Variants in PBLD observed in about 807,000 individuals in gnomAD.
PBLD encodes phenazine biosynthesis-like domain-containing protein.
PBLD carries 26 observed loss-of-function variants against 31.3 expected under a neutral mutation model. The observed-to-expected ratio is 0.83, with a 90% confidence interval of 0.61 to 1.15. The LOEUF (loss-of-function observed/expected upper bound fraction) is 1.15. Among genes scored for constraint, PBLD ranks in the 50% most tolerant of loss-of-function variants. The pLI is 0.00. For missense variants in PBLD, 307 were observed against 351.7 expected (o/e 0.87, Z 1.02); for synonymous variants, 114 against 129.0 (o/e 0.88, Z 0.79).
chr10:68,326,940 G>C (rs1450855950), intron 1 of PBLD, among the ~76,000 whole-genome samples: 2 of 152,210 alleles, frequency 1.3e-5, no homozygotes, highest in African/African-American at 2.4e-5. Context: ...CCAGCTACTC[G>C]GGAGGCTGAG....
chr10:68,296,349 A>G lies in PBLD; in HGVS notation c.200T>C (p.Leu67Pro), dbSNP rs759574626. Residue 67 changes from leucine (L) to proline (P), a missense_variant, in exon 4 of 10, where the codon CTG becomes CCG. Transcript: ENST00000358769. Reference protein sequence around the residue: ...DNFAQSSCFGLRWFTPASEVP... With the variant: ...DNFAQSSCFGPRWFTPASEVP... ...CTCACTCGCTGGTGTAAACCATCTC[A>G]GTCCAAAGCAGGAACCTGAGGATAG... The G allele has an allele frequency of 3.1e-6, 5 of 1,612,916 alleles. No individual in the cohort carries two copies. In the South Asian group the frequency reaches 5.5e-5, roughly 18 times the overall value.
At chr10:68,310,906 C>G (rs1326984638) in intron 1 of PBLD, among the ~76,000 whole-genome samples, 1 of 152,138 alleles carries the variant, frequency 6.6e-6, no homozygotes, top group East Asian at 1.9e-4. Flanking sequence ...ATGCATTTAA[C>G]ACACCCAACC....
rs910553972 is a variant in PBLD, at chr10:68,288,500, G to C, written c.674C>G (p.Ala225Gly). ...SRYFAPWVGV[A>G]EDPVTGSAHA... Reference sequence around the variant, plus strand: ...AAAAGTACCTGTCACTGGGTCTTCAGCCACACCAACCCACGGTGCAAAATA... The same window carrying C: ...AAAAGTACCTGTCACTGGGTCTTCACCCACACCAACCCACGGTGCAAAATA... The change falls in exon 8 of 10, where the codon GCT becomes GGT. Residue 225 changes from alanine (A) to glycine (G), a missense_variant. Ala to Gly is a moderately conservative substitution (Grantham distance 60). Transcript: ENST00000358769. 10 of 1,613,946 alleles carry C rather than the reference G, an allele frequency of 6.2e-6. No homozygotes were observed. In the African/African-American group the frequency reaches 1.1e-4, roughly 17 times the overall value.
At chr10:68,297,037 C>G in intron 2 of PBLD, 52 bp from the exon 3 acceptor site, 1 of 1,366,744 alleles carries the variant, frequency 7.3e-7, no homozygotes, top group Non-Finnish European at 1.0e-6. Context: ...GATCAGACTT[C>G]CTTTGGACAA....
intron 1 of PBLD, among the ~76,000 whole-genome samples, chr10:68,314,476 T>C (rs918273893): frequency 6.6e-6 from 1 of 152,190 alleles, no homozygotes; most frequent in Non-Finnish European, 1.5e-5. Flanking sequence ...CATCCTGCAA[T>C]CACCTGATAG....
rs1194917559 is a variant in PBLD at position 68,283,861 on chromosome 10, C to T, written c.*316G>A. ...CCTGGGTTCAAGCGATTCTCCATGC[C>T]TCAGCCTCCCAAGTAGCTGGAATTA... is the stretch of plus-strand genomic sequence containing the variant. On this transcript the variant is annotated 3_prime_UTR_variant, in exon 10 of 10. Coordinates refer to ENST00000358769, the MANE Select transcript of PBLD (RefSeq NM_022129.4). 1.9e-5 allele frequency: 5 copies of T among 257,200 alleles called. No individual in the cohort carries two copies. The highest frequency in any genetic ancestry group is 3.8e-5 in the Non-Finnish European group (5 of 131,448). The allele number at this position is 257,200 out of a possible 1,614,324, so 15.9% of individuals were successfully genotyped here.
At chr10:68,332,551 CT>C (rs2045220787) in intron 1 of PBLD, among the ~76,000 whole-genome samples, 1 of 152,208 alleles carries the variant, frequency 6.6e-6, no homozygotes. Context: ...CTTCCCCGCT[CT>C]TTTTACTTTT....
intron 2 of PBLD, among the ~76,000 whole-genome samples, chr10:68,303,218 C>T (rs1048294601): frequency 1.7e-4 from 26 of 151,966 alleles, no homozygotes; most frequent in African/African-American, 5.8e-4. Context: ...GGATTACAGG[C>T]ATGCGTCACC....
chr10:68,284,379 C>T lies in PBLD; in HGVS notation c.755-90G>A. On this transcript the variant is annotated intron_variant, in intron 9 of 9. Coordinates refer to ENST00000358769, the MANE Select transcript of PBLD (RefSeq NM_022129.4). The stretch of plus-strand genomic sequence containing the variant: ...AAAGACTTATTACAAATCTTAGAGT[C>T]CTCCCAGATCAGTTTCAAGAATAAA... 4 of 1,077,752 alleles carry T rather than the reference C, an allele frequency of 3.7e-6. No individual in the cohort carries two copies. In the African/African-American group the frequency reaches 6.3e-5, roughly 17 times the overall value. The allele number at this position is 1,077,752 out of a possible 1,614,324, so 66.8% of individuals were successfully genotyped here. A position where few individuals can be genotyped will look rare whatever the true frequency, so the allele number is the denominator to read the frequency against.
intron 1 of PBLD, among the ~76,000 whole-genome samples, chr10:68,326,993 G>A (rs2044931557): frequency 6.6e-6 from 1 of 152,126 alleles, no homozygotes; most frequent in Non-Finnish European, 1.5e-5. Flanking sequence ...GTTGCAGTGA[G>A]CTGAGATCGC....
At chr10:68,317,776 C>T (rs1400902743) in intron 1 of PBLD, among the ~76,000 whole-genome samples, 2 of 151,900 alleles carry the variant, frequency 1.3e-5, no homozygotes, top group Non-Finnish European at 2.9e-5. Flanking sequence ...CCAGCCTGGG[C>T]AGTGACAGAA....
chr10:68,316,774 A>C lies in PBLD; in HGVS notation c.-59-9871T>G, dbSNP rs900146411. On this transcript the variant is annotated intron_variant, in intron 1 of 9. Coordinates refer to ENST00000358769, the MANE Select transcript of PBLD (RefSeq NM_022129.4). ...ATGCCTGTAATCCCAGCACTTTGGG[A>C]GGCTGAGGAGGGCAGATTGCCTGAG... is the stretch of plus-strand genomic sequence containing the variant. 1.1e-4 allele frequency among the ~76,000 whole-genome samples: 16 copies of C among 152,258 alleles called. No individual in the cohort carries two copies. The Middle Eastern group carries it at 0.01, about 97-fold the overall frequency.
At chr10:68,291,310 G>A (rs2044355748) in intron 6 of PBLD, among the ~76,000 whole-genome samples, 1 of 152,184 alleles carries the variant, frequency 6.6e-6, no homozygotes, top group Non-Finnish European at 1.5e-5. Context: ...ACTGCACACA[G>A]AGAGACTCTC....
chr10:68,324,629 T>G (rs1461243689), intron 1 of PBLD, among the ~76,000 whole-genome samples: 1 of 151,550 alleles, frequency 6.6e-6, no homozygotes, highest in Non-Finnish European at 1.5e-5. Flanking sequence ...TATTTATTTA[T>G]TTATTTAGAG....
chr10:68,327,285 T>C (rs1323396632), intron 1 of PBLD, among the ~76,000 whole-genome samples: 1 of 152,198 alleles, frequency 6.6e-6, no homozygotes, highest in Non-Finnish European at 1.5e-5. Context: ...TGACTTAAAG[T>C]GTCCCTGCCC....
In PBLD at chr10:68,283,637, G is replaced by T. The variant is rs1241656097; in HGVS notation, c.*540C>A. 1 of 152,404 alleles carries T rather than the reference G, an allele frequency of 6.6e-6. No homozygotes were observed. Among genetic ancestry groups the T allele is most frequent in the Non-Finnish European group, 1.5e-5 (1 of 68,280 alleles). The allele number at this position is 152,404 out of a possible 1,614,324, so 9.4% of individuals were successfully genotyped here. On this transcript the variant is annotated 3_prime_UTR_variant, in exon 10 of 10. Transcript: ENST00000358769. ...TGAAGTGACATTATTCTTTGTAGCT[G>T]GTTACTTACATTTCAAATACACTCA...
chr10:68,306,225 T>C (rs1286880643), intron 2 of PBLD, among the ~76,000 whole-genome samples: 1 of 152,174 alleles, frequency 6.6e-6, no homozygotes, highest in East Asian at 1.9e-4. Context: ...CAAAAAGCCA[T>C]TTTAAAAATG....
intron 2 of PBLD, among the ~76,000 whole-genome samples, chr10:68,298,207 T>C (rs1402878023): frequency 1.3e-5 from 2 of 152,190 alleles, no homozygotes; most frequent in Non-Finnish European, 2.9e-5. Context: ...TGAGCCATGA[T>C]TGTGCCACTG....
intron 1 of PBLD, among the ~76,000 whole-genome samples, chr10:68,324,422 A>G (rs1465600793): frequency 6.6e-6 from 1 of 151,956 alleles, no homozygotes; most frequent in Non-Finnish European, 1.5e-5. Context: ...TGATCTGCCC[A>G]CCTTGGCCTC....
Sources: allele counts gnomAD v4.1 joint callset (sites outside exome capture counted in the v4.1 genomes callset), GRCh38; gene constraint gnomAD v4.1.1; transcripts MANE v1.5; gene names NCBI Gene and HGNC (gene_info 2026-07-23, HGNC 2026-07-21).